Variants in PCDH15 observed in about 807,000 individuals in gnomAD.
PCDH15 encodes the protein protocadherin-15.
A neutral mutation model predicts 178.5 loss-of-function variants in PCDH15; 129 were observed. The ratio of observed to expected loss-of-function variants is 0.72; its 90% CI spans 0.63 to 0.84. The LOEUF (loss-of-function observed/expected upper bound fraction) is 0.84. Ranked by LOEUF, PCDH15 falls within the 40% of genes least tolerant of loss-of-function variation. The pLI, the probability that PCDH15 is intolerant of heterozygous loss-of-function variation, is 0.00. For synonymous variants in PCDH15, 800 were observed against 732.0 expected, an observed-to-expected ratio of 1.09 and a Z score of -1.50; for missense variants, 2,230 against 2,099.9, an observed-to-expected ratio of 1.06 and a Z score of -1.21.
chr10:55,189,295 TC>T (rs1036881681), intron 1 of PCDH15, among the ~76,000 whole-genome samples: 1 of 151,986 alleles, frequency 6.6e-6, no homozygotes, highest in Non-Finnish European at 1.5e-5. Flanking sequence ...ATAGGAATTT[TC>T]ATCTGCTTTA....
At chr10:55,585,645 C>A (rs1842712395) in intron 2 of PCDH15, among the ~76,000 whole-genome samples, 1 of 152,060 alleles carries the variant, frequency 6.6e-6, no homozygotes, top group Non-Finnish European at 1.5e-5. Context: ...CAATGCACTC[C>A]AGCCTGGTCA....
intron 2 of PCDH15, among the ~76,000 whole-genome samples, chr10:54,979,668 C>CAAAA (rs57794335): frequency 9.2e-6 from 1 of 108,640 alleles, no homozygotes; most frequent in African/African-American, 3.2e-5. Context: ...GACTGTGTCT[C>CAAAA]AAAAAAAAAA....
At chr10:53,840,262 A>G (rs2077559645) in intron 29 of PCDH15, 58 bp downstream of exon 29, 1 of 1,555,516 alleles carries the variant, frequency 6.4e-7, no homozygotes, top group African/African-American at 1.4e-5. Flanking sequence ...TCAAGTCAGA[A>G]TCATCTATGG....
intron 2 of PCDH15, among the ~76,000 whole-genome samples, chr10:55,584,918 T>G (rs968526943): frequency 2.6e-5 from 4 of 151,430 alleles, no homozygotes; most frequent in African/African-American, 9.7e-5. Context: ...AAGTAGTATT[T>G]GAGTAATATA....
chr10:54,548,037 A>G (rs867700731), intron 2 of PCDH15, among the ~76,000 whole-genome samples: 23 of 148,550 alleles, frequency 1.5e-4, no homozygotes, highest in Non-Finnish European at 3.1e-4. Context: ...GCAACTTCTC[A>G]TGTGTTTAAT....
At chr10:53,834,017 A>G (rs1579124) in intron 29 of PCDH15, among the ~76,000 whole-genome samples, 1,552 of 152,282 alleles carry the variant, frequency 0.01, 30 homozygotes, top group African/African-American at 0.036. Context: ...CAATTATAGA[A>G]CTATAGTGTA....
chr10:53,963,027 C>T (rs1393562465), intron 21 of PCDH15, among the ~76,000 whole-genome samples: 3 of 152,154 alleles, frequency 2.0e-5, no homozygotes, highest in Admixed American at 2.0e-4. Flanking sequence ...GAAAGAAACA[C>T]TCCTATTTGG....
At chr10:54,259,967 G>C (rs191218213) in intron 8 of PCDH15, among the ~76,000 whole-genome samples, 1 of 152,270 alleles carries the variant, frequency 6.6e-6, no homozygotes. Flanking sequence ...GATTAAGATA[G>C]ATTTTCTGTG....
intron 4 of PCDH15, among the ~76,000 whole-genome samples, chr10:54,377,934 T>C (rs1001476135): frequency 3.3e-5 from 5 of 152,068 alleles, no homozygotes; most frequent in African/African-American, 1.2e-4. Context: ...GCAATTTTTT[T>C]TTGAGGTAGT....
chr10:55,301,927 CT>C (rs1843292182), intron 1 of PCDH15, among the ~76,000 whole-genome samples: 1 of 152,254 alleles, frequency 6.6e-6, no homozygotes, highest in South Asian at 2.1e-4. Context: ...GTTCTCTGTT[CT>C]GTTTTATTGA....
At chr10:54,921,379 T>C (rs1237206758) in intron 2 of PCDH15, among the ~76,000 whole-genome samples, 4 of 152,156 alleles carry the variant, frequency 2.6e-5, no homozygotes, top group Non-Finnish European at 5.9e-5. Context: ...GTTTGTTGTA[T>C]AGATAAACTC....
intron 15 of PCDH15, among the ~76,000 whole-genome samples, chr10:54,129,255 A>T (rs991284144): frequency 1.3e-5 from 2 of 152,048 alleles, no homozygotes; most frequent in African/African-American, 2.4e-5. Flanking sequence ...TCGGTTTGTA[A>T]GTAAAAAATT....
intron 18 of PCDH15, among the ~76,000 whole-genome samples, chr10:54,029,755 T>G (rs1227692572): frequency 6.6e-6 from 1 of 152,158 alleles, no homozygotes; most frequent in African/African-American, 2.4e-5. Context: ...AACACTAAAT[T>G]CATTCCCCAC....
At chr10:55,049,573 A>C (rs1038537912) in intron 2 of PCDH15, among the ~76,000 whole-genome samples, 1 of 151,964 alleles carries the variant, frequency 6.6e-6, no homozygotes, top group African/African-American at 2.4e-5. Flanking sequence ...GAACTCTTTC[A>C]TTCTTTCATA....
chr10:55,485,767 A>C (rs191260649), intron 2 of PCDH15, among the ~76,000 whole-genome samples: 5 of 151,850 alleles, frequency 3.3e-5, no homozygotes, highest in Admixed American at 1.3e-4. Context: ...ACTACCATAC[A>C]ATCCAGTAAT....
intron 17 of PCDH15, among the ~76,000 whole-genome samples, chr10:54,073,938 A>G (rs573523597): frequency 6.6e-6 from 1 of 152,342 alleles, no homozygotes; most frequent in East Asian, 1.9e-4. Flanking sequence ...AGATAAGAAT[A>G]TCTAAAAGGA....
chr10:53,895,593 C>G (rs749889614), intron 26 of PCDH15, among the ~76,000 whole-genome samples: 16 of 152,194 alleles, frequency 1.1e-4, no homozygotes, highest in Non-Finnish European at 2.1e-4. Context: ...TGGAAAATAT[C>G]TTCATAATTC....
intron 21 of PCDH15, among the ~76,000 whole-genome samples, chr10:53,974,017 A>G (rs1564903105): frequency 6.6e-6 from 1 of 151,612 alleles, no homozygotes; most frequent in Admixed American, 6.6e-5. Context: ...TTATTTGTTT[A>G]TTTTACCTTA....
chr10:55,110,136 A>C (rs1316393466), intron 2 of PCDH15, among the ~76,000 whole-genome samples: 3 of 151,936 alleles, frequency 2.0e-5, no homozygotes, highest in Admixed American at 6.6e-5. Context: ...CATTTCTAAA[A>C]ATTACTTAAT....
Sources: gnomAD v4.1 joint callset for allele counts (sites outside exome capture counted in the v4.1 genomes callset) on GRCh38, gnomAD v4.1.1 for gene constraint, MANE v1.5 for transcripts, NCBI Gene and HGNC (gene_info 2026-07-23, HGNC 2026-07-21) for gene names.